SYT1: variants seen among roughly 807,000 people sequenced by gnomAD.
SYT1 encodes synaptotagmin-1.
In SYT1, 8 loss-of-function variants were observed where a neutral mutation model predicts 44.8. The ratio of observed to expected loss-of-function variants is 0.18; its 90% CI spans 0.10 to 0.32. The LOEUF (loss-of-function observed/expected upper bound fraction) is 0.32. Among genes scored for constraint, SYT1 ranks in the 10% least tolerant of loss-of-function variants. SYT1 has a pLI of 1.00. For synonymous variants in SYT1, 154 were observed against 188.8 expected (o/e 0.82, Z 1.51); for missense variants, 286 against 509.3 (o/e 0.56, Z 4.22).
At chr12:79,350,282 T>A in intron 8 of SYT1, among the ~76,000 whole-genome samples, 1 of 137,190 alleles carries the variant, frequency 7.3e-6, no homozygotes, top group African/African-American at 2.8e-5. Context: ...AGACGGAGTC[T>A]CGCTCTGTCG....
chr12:78,925,974 A>C (rs978297359), intron 1 of SYT1, among the ~76,000 whole-genome samples: 1 of 152,084 alleles, frequency 6.6e-6, no homozygotes, highest in Non-Finnish European at 1.5e-5. Context: ...TTCCTTAAAA[A>C]GTAGAACATG....
intron 2 of SYT1, among the ~76,000 whole-genome samples, chr12:79,036,222 G>T (rs1434714196): frequency 1.3e-5 from 2 of 151,780 alleles, no homozygotes; most frequent in South Asian, 2.1e-4. Context: ...TGGGAAAATA[G>T]AGAGATCATG....
At chr12:78,998,986 G>A (rs11112220) in intron 2 of SYT1, among the ~76,000 whole-genome samples, 2,060 of 152,180 alleles carry the variant, frequency 0.014, 43 homozygotes, top group African/African-American at 0.047. Context: ...GAAATAAAGC[G>A]TGGTGATAAA....
intron 3 of SYT1, among the ~76,000 whole-genome samples, chr12:79,058,731 T>C (rs1023819097): frequency 2.0e-5 from 3 of 151,894 alleles, no homozygotes; most frequent in East Asian, 1.9e-4. Flanking sequence ...GGTCCTGGAG[T>C]GATACATGTA....
intron 3 of SYT1, among the ~76,000 whole-genome samples, chr12:79,122,782 A>G (rs931336913): frequency 2.6e-5 from 4 of 152,154 alleles, no homozygotes; most frequent in Admixed American, 6.5e-5. Context: ...AGTTCTTAGT[A>G]AATAATAAAT....
intron 1 of SYT1, among the ~76,000 whole-genome samples, chr12:78,890,266 A>G (rs1874977584): frequency 6.6e-6 from 1 of 151,976 alleles, no homozygotes; most frequent in Non-Finnish European, 1.5e-5. Context: ...TCTGACTCAC[A>G]TCATCATATT....
At chr12:78,957,772 A>G (rs900395661) in intron 1 of SYT1, among the ~76,000 whole-genome samples, 6 of 152,046 alleles carry the variant, frequency 3.9e-5, no homozygotes, top group Non-Finnish European at 8.8e-5. Context: ...GGAGATCTTA[A>G]TCTTGTAAGG....
Position 79,358,251 on chromosome 12 carries a change from A to T in SYT1, c.928+4632A>T, listed in dbSNP as rs182795256. On this transcript the variant is annotated intron_variant, in intron 9 of 10. Coordinates refer to ENST00000261205, the MANE Select transcript of SYT1 (RefSeq NM_005639.3). ...GACATGGCCGTTTAAAGAAGGAAAC[A>T]CTAAACTTTAAAATAAGCAAAAATT... 1.9e-3 allele frequency among the ~76,000 whole-genome samples: 296 copies of T among 152,352 alleles called. 2 individuals carry two copies. Among genetic ancestry groups the T allele is most frequent in the Non-Finnish European group, 3.5e-3 (240 of 68,028 alleles).
chr12:79,379,909 A>G (rs962819576), intron 9 of SYT1, among the ~76,000 whole-genome samples: 17 of 152,190 alleles, frequency 1.1e-4, no homozygotes, highest in African/African-American at 4.1e-4. Flanking sequence ...AAACAAGCCT[A>G]AGGAAATTAA....
At chr12:79,346,747 A>G (rs1353838609) in intron 8 of SYT1, among the ~76,000 whole-genome samples, 1 of 152,208 alleles carries the variant, frequency 6.6e-6, no homozygotes, top group African/African-American at 2.4e-5. Flanking sequence ...TTGTTAAAGC[A>G]CTAACATCAG....
At chr12:79,257,482 G>GTATTGT (rs1282488207) in intron 4 of SYT1, among the ~76,000 whole-genome samples, 1 of 152,124 alleles carries the variant, frequency 6.6e-6, no homozygotes, top group Non-Finnish European at 1.5e-5. Flanking sequence ...GTTTTGTTTT[G>GTATTGT]TTTTGTTTTT....
intron 2 of SYT1, among the ~76,000 whole-genome samples, chr12:78,981,023 G>C (rs1401434418): frequency 2.0e-5 from 3 of 151,512 alleles, no homozygotes; most frequent in Non-Finnish European, 4.4e-5. Flanking sequence ...CTATTAAAAA[G>C]AAAATTTGCT....
chr12:79,146,049 G>A (rs1008865556), intron 3 of SYT1, among the ~76,000 whole-genome samples: 6 of 152,160 alleles, frequency 3.9e-5, no homozygotes, highest in East Asian at 3.9e-4. Flanking sequence ...GAGCCACCGC[G>A]CCCGGCCTAA....
chr12:78,960,684 A>G (rs972271124), intron 1 of SYT1: 1 of 152,194 alleles, frequency 6.6e-6, no homozygotes. Flanking sequence ...TTACATCAAT[A>G]GGGTTAGAGA....
At chr12:78,885,737 G>C (rs955650961) in intron 1 of SYT1, among the ~76,000 whole-genome samples, 2 of 151,894 alleles carry the variant, frequency 1.3e-5, no homozygotes, top group East Asian at 3.9e-4. Flanking sequence ...GGGTGACTAT[G>C]GTTTTTATTT....
At chr12:79,061,764 A>G (rs1177906092) in intron 3 of SYT1, among the ~76,000 whole-genome samples, 1 of 152,110 alleles carries the variant, frequency 6.6e-6, no homozygotes, top group Non-Finnish European at 1.5e-5. Flanking sequence ...TTTCCATTTT[A>G]ATTAGTAAAG....
At chr12:79,009,635 A>C (rs1360155464) in intron 2 of SYT1, among the ~76,000 whole-genome samples, 2 of 152,162 alleles carry the variant, frequency 1.3e-5, no homozygotes, top group Non-Finnish European at 2.9e-5. Context: ...TAGAAAGGTT[A>C]AACATTGTGC....
intron 8 of SYT1, among the ~76,000 whole-genome samples, chr12:79,326,387 G>A (rs1476392118): frequency 2.0e-5 from 3 of 152,208 alleles, no homozygotes; most frequent in Non-Finnish European, 4.4e-5. Context: ...TCAGGCAGAA[G>A]CTGAGAAGGA....
chr12:79,015,391 C>CT (rs1230322327), intron 2 of SYT1, among the ~76,000 whole-genome samples: 5 of 152,028 alleles, frequency 3.3e-5, no homozygotes, highest in Middle Eastern at 3.4e-3. Flanking sequence ...AAGTAACCAA[C>CT]TTTTTTATTT....
Sources: gnomAD v4.1 joint callset for allele counts (sites outside exome capture counted in the v4.1 genomes callset) on GRCh38, gnomAD v4.1.1 for gene constraint, MANE v1.5 for transcripts, NCBI Gene and HGNC (gene_info 2026-07-23, HGNC 2026-07-21) for gene names.